Variants in PM20D2 observed in about 807,000 individuals in gnomAD.
PM20D2 encodes peptidase M20 domain containing 2.
Under a neutral mutation model 42.9 loss-of-function variants are expected in PM20D2, and 33 were observed. The ratio of observed to expected loss-of-function variants is 0.77; its 90% CI spans 0.58 to 1.03. The LOEUF (loss-of-function observed/expected upper bound fraction) is 1.03. Among genes scored for constraint, PM20D2 ranks in the 50% least tolerant of loss-of-function variants. PM20D2 has a pLI of 0.00. For synonymous variants in PM20D2, 250 were observed against 228.2 expected (o/e 1.10, Z -0.86); for missense variants, 548 against 557.0 (o/e 0.98, Z 0.16).
chr6:89,152,592 A>T (rs1270060345), intron 2 of PM20D2, among the ~76,000 whole-genome samples: 1 of 152,204 alleles, frequency 6.6e-6, no homozygotes, highest in Non-Finnish European at 1.5e-5. Context: ...TCTGATTTTC[A>T]GAGGTTGTCT....
the PM20D2 span, among the ~76,000 whole-genome samples, chr6:89,123,043 A>G: frequency 6.6e-6 from 1 of 152,218 alleles, no homozygotes; most frequent in Non-Finnish European, 1.5e-5. Context: ...TTGTGTGATA[A>G]TAATGTAACT....
At chr6:89,138,556 G>GA in the PM20D2 span, among the ~76,000 whole-genome samples, 5 of 152,158 alleles carry the variant, frequency 3.3e-5, no homozygotes, top group East Asian at 1.9e-4. Context: ...ACATTTGCCT[G>GA]AAAAAAATTG....
upstream of PM20D2, among the ~76,000 whole-genome samples, chr6:89,142,852 G>T (rs376817613): frequency 6.6e-6 from 1 of 151,988 alleles, no homozygotes; most frequent in East Asian, 1.9e-4. Context: ...TAGAGACGGG[G>T]TTTCACCATG....
At chr6:89,114,343 G>A in the PM20D2 span, among the ~76,000 whole-genome samples, 2 of 152,134 alleles carry the variant, frequency 1.3e-5, no homozygotes, top group East Asian at 1.9e-4. Context: ...CAGGAGAACT[G>A]CTTGAGCCCA....
chr6:89,145,584 T>C (rs1770500567), upstream of PM20D2, among the ~76,000 whole-genome samples: 2 of 152,182 alleles, frequency 1.3e-5, no homozygotes, highest in Non-Finnish European at 2.9e-5. Context: ...CTGCAGCTTT[T>C]AGTAATACAA....
At chr6:89,102,247 G>A in the PM20D2 span, among the ~76,000 whole-genome samples, 2 of 151,994 alleles carry the variant, frequency 1.3e-5, no homozygotes, top group East Asian at 1.9e-4. Context: ...GGGTTCAAGC[G>A]ATTCTCCTGC....
the PM20D2 span, among the ~76,000 whole-genome samples, chr6:89,137,290 G>C: frequency 6.6e-6 from 1 of 152,294 alleles, no homozygotes; most frequent in Admixed American, 6.5e-5. Flanking sequence ...TTGGGAGGCT[G>C]AGTGGGAGGA....
At chr6:89,112,188 T>C in the PM20D2 span, among the ~76,000 whole-genome samples, 15 of 152,218 alleles carry the variant, frequency 9.9e-5, no homozygotes, top group Non-Finnish European at 1.9e-4. Context: ...AGTGCTGGAA[T>C]TACAGGCATG....
chr6:89,094,392 G>T, the PM20D2 span, among the ~76,000 whole-genome samples: 2 of 151,636 alleles, frequency 1.3e-5, no homozygotes, highest in African/African-American at 4.9e-5. Flanking sequence ...GCTAATTTTT[G>T]TATTTTAAGT....
chr6:89,161,976 A>G (rs1333641304), intron 6 of PM20D2, 86 bp downstream of exon 6: 1 of 1,477,108 alleles, frequency 6.8e-7, no homozygotes, highest in African/African-American at 1.4e-5. Flanking sequence ...CTATTTCACT[A>G]CATAACATCA....
chr6:89,152,363 A>G (rs1236990773), intron 2 of PM20D2, among the ~76,000 whole-genome samples: 1 of 152,176 alleles, frequency 6.6e-6, no homozygotes, highest in Non-Finnish European at 1.5e-5. Context: ...AAGCACGTCA[A>G]TCACAGAGCT....
intron 5 of PM20D2, 117 bp downstream of exon 5, chr6:89,158,577 A>G: frequency 2.6e-6 from 3 of 1,147,502 alleles, no homozygotes; most frequent in Non-Finnish European, 3.7e-6. Flanking sequence ...CGTTTTTAAT[A>G]TTTTCACAAA....
intron 5 of PM20D2, among the ~76,000 whole-genome samples, chr6:89,160,715 A>T (rs1015903588): frequency 2.6e-5 from 4 of 152,244 alleles, no homozygotes; most frequent in Non-Finnish European, 5.9e-5. Context: ...ATGGAAAATT[A>T]AAAAGTACTG....
chr6:89,141,244 T>C (rs1031983724), upstream of PM20D2, among the ~76,000 whole-genome samples: 1 of 152,172 alleles, frequency 6.6e-6, no homozygotes, highest in Admixed American at 6.5e-5. Context: ...CTTTCCCCCT[T>C]TCTCTGGAGC....
the PM20D2 span, chr6:89,099,094 C>T: frequency 3.7e-6 from 4 of 1,066,876 alleles, no homozygotes; most frequent in South Asian, 3.7e-5. Context: ...ATTATGCATG[C>T]TTTTGGTTCA....
chr6:89,156,280 A>C (rs1409034205), intron 4 of PM20D2, among the ~76,000 whole-genome samples: 2 of 152,196 alleles, frequency 1.3e-5, no homozygotes, highest in African/African-American at 4.8e-5. Flanking sequence ...ATCTTGCCCT[A>C]GAGGGAGCCT....
the PM20D2 span, among the ~76,000 whole-genome samples, chr6:89,134,601 C>T: frequency 6.6e-6 from 1 of 151,228 alleles, no homozygotes; most frequent in Non-Finnish European, 1.5e-5. Context: ...TCAGTTTCCC[C>T]TGTGCAGTGA....
At chr6:89,133,480 G>GTGA in the PM20D2 span, among the ~76,000 whole-genome samples, 2 of 151,010 alleles carry the variant, frequency 1.3e-5, no homozygotes, top group Admixed American at 1.3e-4. Flanking sequence ...TGGCTGCATA[G>GTGA]AGTGGCAGTC....
At chr6:89,147,946 C>CA (rs1223316249) in intron 1 of PM20D2, among the ~76,000 whole-genome samples, 9 of 143,144 alleles carry the variant, frequency 6.3e-5, no homozygotes, top group South Asian at 2.2e-4. Flanking sequence ...GTAGAACCGC[C>CA]AAAAAAAAGC....
Sources: allele counts gnomAD v4.1 joint callset (sites outside exome capture counted in the v4.1 genomes callset), GRCh38; gene constraint gnomAD v4.1.1; transcripts MANE v1.5; gene names NCBI Gene and HGNC (gene_info 2026-07-23, HGNC 2026-07-21).